The following HNF1B variants were observed in gnomAD, a reference collection of about 807,000 sequenced individuals.
HNF1B encodes hepatocyte nuclear factor 1-beta.
Under a neutral mutation model 61.7 loss-of-function variants are expected in HNF1B, and 8 were observed. The ratio of observed to expected loss-of-function variants is 0.13; its 90% CI spans 0.08 to 0.23. The LOEUF (loss-of-function observed/expected upper bound fraction) is 0.23. Among genes scored for constraint, HNF1B ranks in the 10% least tolerant of loss-of-function variants. HNF1B has a pLI of 1.00. For missense variants in HNF1B, 562 were observed against 714.5 expected (o/e 0.79, Z 2.43); for synonymous variants, 314 against 287.7 (o/e 1.09, Z -0.93).
chr17:37,687,622 A>C (rs2032023593), intron 8 of HNF1B, among the ~76,000 whole-genome samples: 1 of 152,216 alleles, frequency 6.6e-6, no homozygotes, highest in Non-Finnish European at 1.5e-5. Flanking sequence ...AAAGAAGTGA[A>C]TTGCTGGGGA....
chr17:37,742,312 G>A (rs1045292468), intron 1 of HNF1B, among the ~76,000 whole-genome samples: 2 of 152,254 alleles, frequency 1.3e-5, no homozygotes, highest in Admixed American at 6.5e-5. Flanking sequence ...AGCTCCGGCC[G>A]GGAGCCGGGG....
intron 5 of HNF1B, among the ~76,000 whole-genome samples, chr17:37,709,916 T>C (rs967803306): frequency 3.9e-5 from 6 of 152,156 alleles, no homozygotes; most frequent in South Asian, 2.1e-4. Flanking sequence ...AACTTCAAAG[T>C]TGGTGTTTCT....
Position 37,699,185 on chromosome 17 carries a change from T to C in HNF1B, c.1544A>G (p.His515Arg). Residue 515 changes from histidine (H) to arginine (R), a missense_variant, in exon 8 of 9, where the codon CAC (histidine) becomes CGC (arginine). Transcript: ENST00000617811. ...GGAATACTGGGGGGGTTCCTGCTTGTGTGCGTACACTGGAGAGACAGAGTG... is the reference window on the plus strand; with the variant it reads ...GGAATACTGGGGGGGTTCCTGCTTGCGTGCGTACACTGGAGAGACAGAGTG... Reference protein sequence around the residue: ...TQLQNSHMYAHKQEPPQYSHT... With the variant: ...TQLQNSHMYARKQEPPQYSHT... 2 of 1,613,510 alleles carry C rather than the reference T, an allele frequency of 1.2e-6. No individual in the cohort carries two copies. The highest frequency in any genetic ancestry group is 2.2e-5 in the East Asian group (1 of 44,874).
intron 6 of HNF1B, among the ~76,000 whole-genome samples, 194 bp downstream of exon 6, chr17:37,704,723 A>G (rs866654809): frequency 6.6e-6 from 1 of 152,180 alleles, no homozygotes; most frequent in African/African-American, 2.4e-5. Flanking sequence ...CCATTCCACA[A>G]TTTTCTCTTG....
At chr17:37,700,021 A>G (rs1473250038) in intron 7 of HNF1B, among the ~76,000 whole-genome samples, 1 of 152,232 alleles carries the variant, frequency 6.6e-6, no homozygotes, top group East Asian at 1.9e-4. Flanking sequence ...TTTCATATTC[A>G]TAATGACTCT....
chr17:37,733,704 T>A lies in HNF1B; in HGVS notation c.662A>T (p.Asp221Val), dbSNP rs755263300. The A allele has an allele frequency of 3.7e-6, 6 of 1,614,028 alleles. No homozygotes were observed. In the East Asian group the frequency reaches 1.3e-4, roughly 36 times the overall value. ...CTTGTTGGTGGGCTCAGAGCAGGCA[T>A]CATCGGACTGCCCAGGCCCATGGCT... is the stretch of plus-strand genomic sequence containing the variant. ...QQSHGPGQSD[D>V]ACSEPTNKKM... Residue 221 changes from aspartate (D) to valine (V), a missense_variant, in exon 3 of 9, where the codon GAT (aspartate) becomes GTT (valine). Physicochemically the swap from Asp to Val is radical, Grantham distance 152. Coordinates refer to ENST00000617811, the MANE Select transcript of HNF1B (RefSeq NM_000458.4).
chr17:37,707,483 G>A (rs763453157), intron 5 of HNF1B, among the ~76,000 whole-genome samples: 1 of 152,172 alleles, frequency 6.6e-6, no homozygotes, highest in Non-Finnish European at 1.5e-5. Flanking sequence ...TATCAGTGGT[G>A]ATCCTTACAT....
At chr17:37,709,393 G>A (rs1449151915) in intron 5 of HNF1B, among the ~76,000 whole-genome samples, 1 of 151,994 alleles carries the variant, frequency 6.6e-6, no homozygotes, top group Non-Finnish European at 1.5e-5. Context: ...GGGATTACAG[G>A]TGCATGCCAC....
intron 1 of HNF1B, among the ~76,000 whole-genome samples, chr17:37,743,643 GTC>G (rs1199375969): frequency 1.3e-5 from 2 of 152,246 alleles, no homozygotes; most frequent in African/African-American, 2.4e-5. Flanking sequence ...GCGACGTGCT[GTC>G]TCAGGGAACC....
At chr17:37,742,643 T>G (rs538169549) in intron 1 of HNF1B, among the ~76,000 whole-genome samples, 4 of 151,514 alleles carry the variant, frequency 2.6e-5, no homozygotes, top group African/African-American at 9.7e-5. Flanking sequence ...TCGGCGAGGG[T>G]CTCCGGCTCC....
chr17:37,733,870 GCAGA>G (rs3216929), intron 2 of HNF1B, 49 bp from the exon 3 acceptor site: 533,669 of 1,536,746 alleles, frequency 0.35, 96,941 homozygotes, highest in African/African-American at 0.47. Context: ...CCTTCACTCA[GCAGA>G]CAGACAGACA....
At chr17:37,695,945 G>T (rs1164608546) in intron 8 of HNF1B, among the ~76,000 whole-genome samples, 1 of 152,168 alleles carries the variant, frequency 6.6e-6, no homozygotes, top group Non-Finnish European at 1.5e-5. Flanking sequence ...CTAGTGGGAA[G>T]GGATGACTGT....
intron 1 of HNF1B, among the ~76,000 whole-genome samples, chr17:37,743,965 A>G (rs1027221390): frequency 2.0e-5 from 3 of 152,230 alleles, no homozygotes; most frequent in East Asian, 1.9e-4. Flanking sequence ...GGGATCCCGG[A>G]TAATTCCGGG....
intron 4 of HNF1B, among the ~76,000 whole-genome samples, chr17:37,719,416 G>GTAATTAA (rs2033233183): frequency 6.6e-6 from 1 of 152,196 alleles, no homozygotes; most frequent in South Asian, 2.1e-4. Context: ...AAGGAGAAGA[G>GTAATTAA]TCAATTAATG....
At chr17:37,694,128 A>G (rs531101541) in intron 8 of HNF1B, among the ~76,000 whole-genome samples, 2 of 152,296 alleles carry the variant, frequency 1.3e-5, no homozygotes, top group Admixed American at 1.3e-4. Flanking sequence ...GGGCATTACT[A>G]TAAAGATACT....
chr17:37,690,806 T>C (rs2032175255), intron 8 of HNF1B, among the ~76,000 whole-genome samples: 1 of 152,214 alleles, frequency 6.6e-6, no homozygotes, highest in Non-Finnish European at 1.5e-5. Context: ...TTAGATATTT[T>C]AGACATGCGT....
At chr17:37,700,500 T>C (rs1210127951) in intron 7 of HNF1B, among the ~76,000 whole-genome samples, 1 of 152,168 alleles carries the variant, frequency 6.6e-6, no homozygotes, top group African/African-American at 2.4e-5. Context: ...GGTGTATAAA[T>C]TGGAGGACAC....
At chr17:37,717,067 A>C (rs2033147456) in intron 4 of HNF1B, among the ~76,000 whole-genome samples, 1 of 152,154 alleles carries the variant, frequency 6.6e-6, no homozygotes, top group Non-Finnish European at 1.5e-5. Context: ...AGAAAACAGG[A>C]CCAGAATTGT....
chr17:37,733,084 C>T (rs763889650), intron 3 of HNF1B, among the ~76,000 whole-genome samples: 20 of 152,176 alleles, frequency 1.3e-4, no homozygotes, highest in Non-Finnish European at 2.5e-4. Flanking sequence ...TTTTGGACCA[C>T]TGCATGTCTG....
Sources: allele counts gnomAD v4.1 joint callset (sites outside exome capture counted in the v4.1 genomes callset), GRCh38; gene constraint gnomAD v4.1.1; transcripts MANE v1.5; gene names NCBI Gene and HGNC (gene_info 2026-07-23, HGNC 2026-07-21).